The following MCPH1 variants were observed in gnomAD, a reference collection of about 807,000 sequenced individuals.
The protein encoded by MCPH1 is microcephalin.
A neutral mutation model predicts 84.5 loss-of-function variants in MCPH1; 104 were observed. The observed-to-expected ratio is 1.23, with a 90% CI of 1.05 to 1.45. The LOEUF (loss-of-function observed/expected upper bound fraction) is 1.45, where lower values mean the gene tolerates loss of function less well. MCPH1 is among the 40% of genes most tolerant of loss of function. The probability of loss-of-function intolerance (pLI) is 0.00; values close to 1 mark genes in which losing one functional copy is unlikely to be tolerated. For missense variants in MCPH1, 1,498 were observed against 1,005.7 expected, an observed-to-expected ratio of 1.49 and a Z score of -6.62; for synonymous variants, 514 against 366.8, an observed-to-expected ratio of 1.40 and a Z score of -4.58.
chr8:6,507,905 C>G (rs1384994823), intron 12 of MCPH1: 5 of 152,094 alleles, frequency 3.3e-5, no homozygotes, highest in Non-Finnish European at 4.4e-5. Flanking sequence ...TTTTCTAAAA[C>G]TTTATTCCTA....
At chr8:6,545,167 C>A (rs1450925774) in intron 12 of MCPH1, among the ~76,000 whole-genome samples, 1 of 152,002 alleles carries the variant, frequency 6.6e-6, no homozygotes, top group Non-Finnish European at 1.5e-5. Flanking sequence ...AGAATAATGT[C>A]TTCCGGGTGG....
chr8:6,427,915 C>G (rs1398633341), intron 3 of MCPH1, among the ~76,000 whole-genome samples: 1 of 151,720 alleles, frequency 6.6e-6, no homozygotes, highest in Non-Finnish European at 1.5e-5. Context: ...GACTCAGCCT[C>G]CTGAGTAGCT....
At chr8:6,428,378 C>T (rs931772799) in intron 3 of MCPH1, among the ~76,000 whole-genome samples, 3 of 152,176 alleles carry the variant, frequency 2.0e-5, no homozygotes, top group Non-Finnish European at 4.4e-5. Flanking sequence ...TATGTGATCA[C>T]TGTTGTGTAT....
At chr8:6,443,687 A>G (rs1201342728) in intron 7 of MCPH1, among the ~76,000 whole-genome samples, 2 of 152,232 alleles carry the variant, frequency 1.3e-5, no homozygotes, top group Non-Finnish European at 2.9e-5. Context: ...AGAGGGGGCA[A>G]GGCCAGGGAG....
intron 11 of MCPH1, among the ~76,000 whole-genome samples, chr8:6,484,548 T>C (rs1809621938): frequency 6.6e-6 from 1 of 152,218 alleles, no homozygotes; most frequent in African/African-American, 2.4e-5. Context: ...TGAAAGCTTG[T>C]GTTCACACAG....
chr8:6,456,562 C>T (rs1805702059), intron 9 of MCPH1, among the ~76,000 whole-genome samples: 1 of 152,130 alleles, frequency 6.6e-6, no homozygotes, highest in African/African-American at 2.4e-5. Flanking sequence ...CTGTGCCCTC[C>T]CGCTTTACTG....
chr8:6,447,558 A>C, intron 8 of MCPH1: 6 of 483,224 alleles, frequency 1.2e-5, no homozygotes, highest in Non-Finnish European at 1.6e-5. Flanking sequence ...TTTGTTTTTT[A>C]GTTTTTTTTG....
chr8:6,431,899 G>C (rs1801897274), intron 4 of MCPH1, among the ~76,000 whole-genome samples: 1 of 152,178 alleles, frequency 6.6e-6, no homozygotes, highest in Non-Finnish European at 1.5e-5. Flanking sequence ...TATATCTGTA[G>C]CCAAAATACC....
chr8:6,638,619 C>T (rs1171408919), intron 13 of MCPH1, among the ~76,000 whole-genome samples: 3 of 151,146 alleles, frequency 2.0e-5, no homozygotes, highest in East Asian at 1.9e-4. Context: ...TTAAATTTCA[C>T]GGAGCTGCTC....
chr8:6,464,939 C>T (rs1806688432), intron 9 of MCPH1, among the ~76,000 whole-genome samples: 1 of 151,344 alleles, frequency 6.6e-6, no homozygotes, highest in Non-Finnish European at 1.5e-5. Context: ...GTAGAGGTTG[C>T]AGTGAGCCAA....
rs374999485 is a variant in MCPH1, at chr8:6,423,185, C to CTTT, written c.233+8304_233+8306dup. ...CTTAATCTTTTGGCATTTTTCTTTT[C>CTTT]TTTTCTTTTTTTTTTTTTTTTTGAA... On this transcript the variant is annotated intron_variant, in intron 3 of 13. Coordinates refer to ENST00000344683, the MANE Select transcript of MCPH1 (RefSeq NM_024596.5). Among the ~76,000 whole-genome samples, 185 of 110,780 alleles carry CTTT rather than the reference C, an allele frequency of 1.7e-3. 3 individuals are homozygous for CTTT. The highest frequency in any genetic ancestry group is 2.6e-3 in the Non-Finnish European group (138 of 53,064). The allele number at this position is 110,780 out of a possible 152,430, so 72.7% of individuals were successfully genotyped here. A position where few individuals can be genotyped will look rare whatever the true frequency, so the allele number is the denominator to read the frequency against.
In MCPH1 at chr8:6,441,595, C is replaced by T. The variant is rs1037722818; in HGVS notation, c.581-472C>T. Among the ~76,000 whole-genome samples, 11 of 152,322 alleles carry T rather than the reference C, an allele frequency of 7.2e-5. 1 individual carries two copies. Among genetic ancestry groups the T allele is most frequent in the African/African-American group, 2.4e-4 (10 of 41,564 alleles). ...AAACCTCTAGGATTTCTCAACCCAG[C>T]ACAGCTGACATTTGGGTCTGGGTAA... On this transcript the variant is annotated intron_variant, in intron 6 of 13. Transcript: ENST00000344683.
At chr8:6,626,354 G>C (rs938475666) in intron 13 of MCPH1, 12 of 984,926 alleles carry the variant, frequency 1.2e-5, no homozygotes, top group Non-Finnish European at 1.3e-5. Context: ...GCATGATTAC[G>C]TTCCCTCTTC....
intron 12 of MCPH1, among the ~76,000 whole-genome samples, chr8:6,528,765 A>G (rs2515466): frequency 0.78 from 119,332 of 152,230 alleles, 47,216 homozygotes; most frequent in Middle Eastern, 0.9. Flanking sequence ...AAGGAACCGG[A>G]GACCTTGAAA....
At chr8:6,492,086 C>G (rs1810666158) in intron 11 of MCPH1, among the ~76,000 whole-genome samples, 1 of 152,192 alleles carries the variant, frequency 6.6e-6, no homozygotes, top group African/African-American at 2.4e-5. Flanking sequence ...AGTTTACAGT[C>G]CCACTAGCAA....
intron 12 of MCPH1, among the ~76,000 whole-genome samples, chr8:6,612,145 G>A (rs997207631): frequency 6.6e-6 from 1 of 152,154 alleles, no homozygotes; most frequent in African/African-American, 2.4e-5. Context: ...ACGTTCTTCT[G>A]CATCGCTCGG....
chr8:6,474,297 T>A (rs906764217), intron 9 of MCPH1: 6 of 516,900 alleles, frequency 1.2e-5, no homozygotes, highest in African/African-American at 1.1e-4. Flanking sequence ...GATTCTGATA[T>A]GTGGTTTTTC....
chr8:6,638,594 A>T (rs1384417452), intron 13 of MCPH1, among the ~76,000 whole-genome samples: 9 of 150,104 alleles, frequency 6.0e-5, no homozygotes, highest in African/African-American at 2.2e-4. Context: ...AAAAAAAAAA[A>T]ATTTTTTTTT....
chr8:6,445,527 T>C lies in MCPH1; in HGVS notation c.1805T>C (p.Leu602Ser). 1 of 1,605,348 alleles carries C rather than the reference T, an allele frequency of 6.2e-7. No homozygotes were observed. The highest frequency in any genetic ancestry group is 8.5e-7 in the Non-Finnish European group (1 of 1,176,812). ...ACGTCTACAGAAGAGAAGGAAAACTTACCCGGAGGATACAGTGGAAGTATG... is the reference window on the plus strand; with the variant it reads ...ACGTCTACAGAAGAGAAGGAAAACTCACCCGGAGGATACAGTGGAAGTATG... Reference protein sequence around the residue: ...METSTEEKENLPGGYSGSVKN... With the variant: ...METSTEEKENSPGGYSGSVKN... Residue 602 changes from leucine (L) to serine (S), a missense_variant, in exon 8 of 14, where the codon TTA (leucine) becomes TCA (serine). Transcript: ENST00000344683.
Sources: gnomAD v4.1 joint callset for allele counts (sites outside exome capture counted in the v4.1 genomes callset) on GRCh38, gnomAD v4.1.1 for gene constraint, MANE v1.5 for transcripts, NCBI Gene and HGNC (gene_info 2026-07-23, HGNC 2026-07-21) for gene names.